NVL: variants seen among roughly 807,000 people sequenced by gnomAD.
NVL encodes nuclear VCP like.
In NVL, 84 loss-of-function variants were observed where a neutral mutation model predicts 110.2. The ratio of observed to expected loss-of-function variants is 0.76; its 90% CI spans 0.64 to 0.91. The LOEUF (loss-of-function observed/expected upper bound fraction) is 0.91. Ranked by LOEUF, NVL falls within the 40% of genes least tolerant of loss-of-function variation. NVL has a pLI of 0.00. For missense variants in NVL, 882 were observed against 1,035.9 expected (o/e 0.85, Z 2.04); for synonymous variants, 354 against 361.1 (o/e 0.98, Z 0.22).
chr1:224,236,638 C>T (rs1210747539), intron 19 of NVL, 56 bp from the exon 20 acceptor site: 44 of 1,411,200 alleles, frequency 3.1e-5, no homozygotes, highest in East Asian at 4.6e-5. Flanking sequence ...ATGCCGGGTG[C>T]GATGGCTCAT....
chr1:224,300,104 G>A (rs936321460), intron 10 of NVL, among the ~76,000 whole-genome samples: 1 of 152,170 alleles, frequency 6.6e-6, no homozygotes, highest in Admixed American at 6.5e-5. Flanking sequence ...CAATAGCCAC[G>A]TGAGATTTGG....
At chr1:224,305,241 G>C in intron 6 of NVL, 75 bp from the exon 7 acceptor site, 1 of 1,435,822 alleles carries the variant, frequency 7.0e-7, no homozygotes. Context: ...TTAAAGAGGG[G>C]CATTGTAAAG....
intron 12 of NVL, 113 bp downstream of exon 12, chr1:224,294,154 C>T: frequency 8.5e-7 from 1 of 1,172,002 alleles, no homozygotes. Flanking sequence ...TTAATTGGTA[C>T]AAAAAGAAAG....
At chr1:224,232,782 T>A (rs1660046470) in intron 21 of NVL, 1 of 154,700 alleles carries the variant, frequency 6.5e-6, no homozygotes, top group East Asian at 1.9e-4. Context: ...ACAGATTTTA[T>A]ATTTTGAAAG....
Position 224,227,636 on chromosome 1 carries a change from A to G in NVL, c.2561T>C (p.Leu854Pro). Residue 854 changes from leucine (L) to proline (P), a missense_variant, in exon 23 of 23, where the codon CTC becomes CCC. Physicochemically the swap from Leu to Pro is moderately conservative, Grantham distance 98. Coordinates refer to ENST00000281701, the MANE Select transcript of NVL (RefSeq NM_002533.4). ...QIMYERLQES[L>P]SR ...CGGCTGCTGGAGACATCACCGGCTGAGGGACTCCTGCAAACGTTCATACAT... is the reference window on the plus strand; with the variant it reads ...CGGCTGCTGGAGACATCACCGGCTGGGGGACTCCTGCAAACGTTCATACAT... The G allele has an allele frequency of 6.2e-7, 1 of 1,611,446 alleles. No homozygotes were observed. The highest frequency in any genetic ancestry group is 8.5e-7 in the Non-Finnish European group (1 of 1,178,374).
chr1:224,305,482 G>GT, intron 6 of NVL: 3 of 215,434 alleles, frequency 1.4e-5, no homozygotes, highest in Non-Finnish European at 1.8e-5. Flanking sequence ...TCCCATATGG[G>GT]GAAAAAAAAA....
chr1:224,321,642 G>C (rs1670652775), intron 2 of NVL, among the ~76,000 whole-genome samples: 1 of 151,628 alleles, frequency 6.6e-6, no homozygotes, highest in Non-Finnish European at 1.5e-5. Context: ...TGTAGTCCTG[G>C]CTACTTGGGA....
At chr1:224,247,077 GA>G (rs1661929683) in intron 19 of NVL, among the ~76,000 whole-genome samples, 1 of 148,408 alleles carries the variant, frequency 6.7e-6, no homozygotes, top group African/African-American at 2.5e-5. Context: ...AAAAAAAACA[GA>G]GCCAACGAAA....
At chr1:224,249,198 C>G (rs1427901109) in intron 19 of NVL, among the ~76,000 whole-genome samples, 2 of 151,772 alleles carry the variant, frequency 1.3e-5, no homozygotes, top group Non-Finnish European at 2.9e-5. Flanking sequence ...GGCTTGAGTG[C>G]AGTAGCACGA....
intron 18 of NVL, among the ~76,000 whole-genome samples, chr1:224,256,156 G>A (rs1663201629): frequency 6.6e-6 from 1 of 152,076 alleles, no homozygotes; most frequent in Non-Finnish European, 1.5e-5. Context: ...CAGGCATGGT[G>A]GCTCATGCCT....
intron 14 of NVL, among the ~76,000 whole-genome samples, chr1:224,286,841 C>T (rs115736625): frequency 0.02 from 2,985 of 152,124 alleles, 46 homozygotes; most frequent in Non-Finnish European, 0.029. Flanking sequence ...ACCTCTAAAT[C>T]GATCATATTT....
At chr1:224,307,927 T>A (rs113394752) in intron 6 of NVL, 64 bp downstream of exon 6, 60 of 1,424,808 alleles carry the variant, frequency 4.2e-5, no homozygotes, top group Non-Finnish European at 5.4e-5. Flanking sequence ...ATTGATATTA[T>A]ATTCAACTAA....
chr1:224,301,180 A>G (rs1572001862), intron 9 of NVL, among the ~76,000 whole-genome samples: 1 of 152,104 alleles, frequency 6.6e-6, no homozygotes, highest in East Asian at 1.9e-4. Flanking sequence ...TATTTTATAC[A>G]TGTCACTATA....
At chr1:224,288,096 A>C in intron 13 of NVL, 103 bp from the exon 14 acceptor site, 1 of 803,848 alleles carries the variant, frequency 1.2e-6, no homozygotes, top group Non-Finnish European at 2.0e-6. Context: ...ATATTTCCGT[A>C]AGCTATCCTG....
chr1:224,319,441 G>T (rs979878656), intron 2 of NVL, among the ~76,000 whole-genome samples: 1 of 151,878 alleles, frequency 6.6e-6, no homozygotes, highest in South Asian at 2.1e-4. Context: ...CTGAGTAGCT[G>T]GGACTACAGG....
intron 5 of NVL, among the ~76,000 whole-genome samples, chr1:224,308,916 C>A (rs1309612167): frequency 1.3e-5 from 2 of 151,566 alleles, no homozygotes; most frequent in Non-Finnish European, 2.9e-5. Flanking sequence ...AAAAAATTAG[C>A]CAGGCGTGAT....
intron 4 of NVL, among the ~76,000 whole-genome samples, chr1:224,313,531 G>A (rs999896059): frequency 3.3e-5 from 5 of 152,104 alleles, no homozygotes; most frequent in African/African-American, 1.2e-4. Context: ...GCAACATGGG[G>A]AAAGCAGTTG....
intron 16 of NVL, among the ~76,000 whole-genome samples, chr1:224,280,170 TTTTTTTTTG>T (rs1558297566): frequency 4.9e-5 from 7 of 141,546 alleles, no homozygotes; most frequent in African/African-American, 5.6e-5. Flanking sequence ...TGTACTGCTG[TTTTTTTTTG>T]TTTTTTTTTT....
At position 224,270,237 on chromosome 1, in the gene NVL, G is replaced by T. The variant is rs1182766730; in HGVS notation, c.2083-2104C>A. Among the ~76,000 whole-genome samples, 3 of 152,082 alleles carry T rather than the reference G, an allele frequency of 2.0e-5. No individual in the cohort carries two copies. In the East Asian group the frequency reaches 5.8e-4, roughly 29 times the overall value. ...ACAAACTCAGAGTCAATACAAGAAT[G>T]ACTGATAGATTTTGCTGCATTAAAG... On this transcript the variant is annotated intron_variant, in intron 17 of 22. Transcript: ENST00000281701.
Sources: gnomAD v4.1 joint callset for allele counts (sites outside exome capture counted in the v4.1 genomes callset) on GRCh38, gnomAD v4.1.1 for gene constraint, MANE v1.5 for transcripts, NCBI Gene and HGNC (gene_info 2026-07-23, HGNC 2026-07-21) for gene names.